Variants in FREM2 observed in about 807,000 individuals in gnomAD.
FREM2 encodes FRAS1 related extracellular matrix 2, also known as FRAS1-related extracellular matrix protein 2.
Under a neutral mutation model 219.9 loss-of-function variants are expected in FREM2, and 119 were observed. The ratio of observed to expected loss-of-function variants is 0.54; its 90% CI spans 0.47 to 0.63. FREM2 has a LOEUF of 0.63. Ranked by LOEUF, FREM2 falls within the 30% of genes least tolerant of loss-of-function variation. The pLI is 0.00. For missense variants in FREM2, 4,030 were observed against 3,993.6 expected (o/e 1.01, Z -0.25); for synonymous variants, 1,562 against 1,522.8 (o/e 1.03, Z -0.60).
intron 17 of FREM2, among the ~76,000 whole-genome samples, chr13:38,873,550 G>A (rs1445281278): frequency 6.6e-6 from 1 of 152,168 alleles, no homozygotes; most frequent in Admixed American, 6.5e-5. Flanking sequence ...CCACTAGTTC[G>A]AGTTCGCGAG....
chr13:38,691,154 C>G lies in FREM2; in HGVS notation c.3810C>G (p.Ser1270=), dbSNP rs781287240. The part of the protein sequence containing the change: ...SSSIIYEHDD[S]ETQEDSFVIK... ...GCATTATTTATGAGCATGATGACTCCGAGACCCAGGAAGACAGTTTTGTGA... is the reference window on the plus strand; with the variant it reads ...GCATTATTTATGAGCATGATGACTCGGAGACCCAGGAAGACAGTTTTGTGA... Residue 1270 remains serine (S), a synonymous_variant, in exon 1 of 24, where the codon TCC becomes TCG. Coordinates refer to ENST00000280481, the MANE Select transcript of FREM2 (RefSeq NM_207361.6). 2.5e-6 allele frequency: 4 copies of G among 1,613,782 alleles called. No individual in the cohort carries two copies. Among genetic ancestry groups the G allele is most frequent in the East Asian group, 2.2e-5 (1 of 44,876 alleles).
rs1208671955 is a variant in FREM2 at position 38,783,053 on chromosome 13, T to C, written c.5642-17T>C. 3 of 1,612,772 alleles carry C rather than the reference T, an allele frequency of 1.9e-6. No homozygotes were observed. Among genetic ancestry groups the C allele is most frequent in the East Asian group, 4.5e-5 (2 of 44,868 alleles). On this transcript the variant is annotated splice_polypyrimidine_tract_variant and intron_variant, in intron 4 of 23. Coordinates refer to ENST00000280481, the MANE Select transcript of FREM2 (RefSeq NM_207361.6). ...GCTCAGACAAAAATAATGCTTGCAA[T>C]TGTGTTTTCTCTCTAGAGCCAACTG...
intron 2 of FREM2, among the ~76,000 whole-genome samples, chr13:38,743,021 A>G (rs1350255700): frequency 1.3e-5 from 2 of 152,194 alleles, no homozygotes; most frequent in South Asian, 2.1e-4. Flanking sequence ...AAACTTTTCT[A>G]TATGGATCAC....
intron 6 of FREM2, chr13:38,821,693 T>A: frequency 6.6e-6 from 1 of 152,074 alleles, no homozygotes; most frequent in Admixed American, 6.6e-5. Context: ...GTAGAGGGCA[T>A]AAGGATTTGT....
At chr13:38,783,880 A>T (rs2137830642) in intron 5 of FREM2, among the ~76,000 whole-genome samples, 1 of 152,292 alleles carries the variant, frequency 6.6e-6, no homozygotes, top group East Asian at 1.9e-4. Context: ...GTGGATCACG[A>T]GATCAGGAGT....
At chr13:38,868,826 C>T (rs1018411367) in intron 16 of FREM2, among the ~76,000 whole-genome samples, 8 of 152,208 alleles carry the variant, frequency 5.3e-5, no homozygotes, top group African/African-American at 1.9e-4. Flanking sequence ...GTCATGAGAG[C>T]CTTCCAAACT....
Position 38,872,759 on chromosome 13 carries a change from G to C in FREM2, c.8001G>C (p.Gln2667His). ...TGTTTTAGGTCCTAAACCTAGTGCA[G>C]TCCTATGTGACCCTTCGAGTCCCTC... Reference protein sequence around the residue: ...GTDGQVLNLVQSYVTLRVPLY... With the variant: ...GTDGQVLNLVHSYVTLRVPLY... The change falls in exon 17 of 24, where the codon CAG becomes CAC. Residue 2667 changes from glutamine to histidine, a missense_variant. By Grantham distance (24) the Gln-to-His change is conservative (BLOSUM62 0). Around this residue, in one of 2 missense-constraint regions of FREM2, gnomAD observed 928 missense variants for 1,042.9 expected, o/e 0.89. Coordinates refer to ENST00000280481, the MANE Select transcript of FREM2 (RefSeq NM_207361.6). 1 of 1,614,036 alleles carries C rather than the reference G, an allele frequency of 6.2e-7. No individual in the cohort carries two copies. The highest frequency in any genetic ancestry group is 1.1e-5 in the South Asian group (1 of 91,082).
intron 2 of FREM2, among the ~76,000 whole-genome samples, chr13:38,752,258 CATTT>C (rs1872803303): frequency 6.6e-6 from 1 of 152,160 alleles, no homozygotes; most frequent in Admixed American, 6.6e-5. Flanking sequence ...TGACACATCT[CATTT>C]AGTTTCTCAC....
Position 38,687,125 on chromosome 13 carries a change from A to C in FREM2, c.-220A>C, listed in dbSNP as rs944046654. ...CGCGCGATTGAGGCGCTAGCGGCGGAGCTGGACGGCCTGGGAAGGCTTCGG... is the reference window on the plus strand; with the variant it reads ...CGCGCGATTGAGGCGCTAGCGGCGGCGCTGGACGGCCTGGGAAGGCTTCGG... On this transcript the variant is annotated 5_prime_UTR_variant, in exon 1 of 24. Coordinates refer to ENST00000280481, the MANE Select transcript of FREM2 (RefSeq NM_207361.6). The C allele has an allele frequency of 3.3e-6, 2 of 608,620 alleles. No individual in the cohort carries two copies. Among genetic ancestry groups the C allele is most frequent in the East Asian group, 5.6e-5 (2 of 35,522 alleles). 37.7% of individuals were successfully genotyped at this position (608,620 alleles called of 1,614,324 possible).
chr13:38,769,584 G>A lies in FREM2; in HGVS notation c.5417G>A (p.Gly1806Asp), dbSNP rs145208009. The change falls in exon 4 of 24, where the codon GGC (glycine) becomes GAC (aspartate). Residue 1806 changes from glycine to aspartate, a missense_variant. Around this residue, in one of 2 missense-constraint regions of FREM2, gnomAD observed 3,102 missense variants for 2,950.7 expected, o/e 1.05. Transcript: ENST00000280481. ...YLGETSFISI[G>D]TRDRTAEKDK... ...ATATTATGTTTTTGTGAAGGTATTG[G>A]CACAAGAGACAGAACTGCAGAAAAA... is the stretch of plus-strand genomic sequence containing the variant. The A allele has an allele frequency of 1.9e-3, 3,084 of 1,612,554 alleles. 8 individuals are homozygous for A. Among genetic ancestry groups the A allele is most frequent in the Non-Finnish European group, 2.4e-3 (2,884 of 1,178,630 alleles).
At chr13:38,862,052 G>T (rs1282336324) in intron 15 of FREM2, among the ~76,000 whole-genome samples, 1 of 152,166 alleles carries the variant, frequency 6.6e-6, no homozygotes, top group Non-Finnish European at 1.5e-5. Context: ...TGGCTAGGTA[G>T]CCATGACCAG....
intron 6 of FREM2, among the ~76,000 whole-genome samples, chr13:38,843,131 C>T (rs145422523): frequency 1.0e-3 from 154 of 152,266 alleles, no homozygotes; most frequent in Admixed American, 1.8e-3. Context: ...TCTGGAGTGT[C>T]ATCTGAGGGT....
chr13:38,697,563 C>A, intron 1 of FREM2, 135 bp from the exon 2 acceptor site: 1 of 669,150 alleles, frequency 1.5e-6, no homozygotes, highest in Non-Finnish European at 2.7e-6. Context: ...AGAAATAAGA[C>A]AGCACTGTTT....
rs773600979 is a variant in FREM2, at chr13:38,881,147, A to G, written c.*360A>G. On this transcript the variant is annotated 3_prime_UTR_variant, in exon 24 of 24. Transcript: ENST00000280481. ...AGTGTAAGAGGAATCTACTGTTGCT[A>G]TGTTAGTGTGAATGTTGAAGGTGCA... 9.3e-6 allele frequency: 3 copies of G among 324,184 alleles called. No homozygotes were observed. Among genetic ancestry groups the G allele is most frequent in the African/African-American group, 6.4e-5 (3 of 46,940 alleles). 20.1% of individuals were successfully genotyped at this position (324,184 alleles called of 1,614,324 possible).
At chr13:38,732,960 TA>T (rs1410817275) in intron 2 of FREM2, among the ~76,000 whole-genome samples, 4 of 152,136 alleles carry the variant, frequency 2.6e-5, no homozygotes, top group Non-Finnish European at 4.4e-5. Context: ...AAAGAACTGA[TA>T]GGGGTGGAAA....
At chr13:38,694,416 G>T (rs142727630) in intron 1 of FREM2, among the ~76,000 whole-genome samples, 1 of 152,190 alleles carries the variant, frequency 6.6e-6, no homozygotes, top group Non-Finnish European at 1.5e-5. Flanking sequence ...ACTTTGATCC[G>T]TAGCTGTTAT....
intron 2 of FREM2, among the ~76,000 whole-genome samples, chr13:38,747,504 AC>A (rs1872536391): frequency 2.0e-5 from 3 of 151,390 alleles, no homozygotes; most frequent in Non-Finnish European, 4.4e-5. Flanking sequence ...AAATACACAC[AC>A]ACACACACAC....
intron 6 of FREM2, among the ~76,000 whole-genome samples, chr13:38,842,814 G>T (rs1593440358): frequency 6.6e-6 from 1 of 152,142 alleles, no homozygotes; most frequent in African/African-American, 2.4e-5. Context: ...TTTGTTGCAG[G>T]TATCTGTGCT....
intron 2 of FREM2, among the ~76,000 whole-genome samples, chr13:38,723,274 C>T (rs1320370785): frequency 6.6e-6 from 1 of 151,844 alleles, no homozygotes; most frequent in African/African-American, 2.4e-5. Context: ...AATAAAACAG[C>T]TGGAGATGTC....
Sources: allele counts gnomAD v4.1 joint callset (sites outside exome capture counted in the v4.1 genomes callset), GRCh38; gene constraint gnomAD v4.1.1; regional missense constraint gnomAD v4.1.1; transcripts MANE v1.5; gene names NCBI Gene and HGNC (gene_info 2026-07-23, HGNC 2026-07-21).